Variants in CRTC3 observed in about 807,000 individuals in gnomAD.
The protein encoded by CRTC3 is CREB regulated transcription coactivator 3, also known as CREB-regulated transcription coactivator 3.
In CRTC3, 26 loss-of-function variants were observed where a neutral mutation model predicts 74.5. The observed-to-expected ratio is 0.35, with a 90% CI of 0.26 to 0.48. CRTC3 has a LOEUF of 0.48. Ranked by LOEUF, CRTC3 falls within the 20% of genes least tolerant of loss-of-function variation. The probability of loss-of-function intolerance (pLI) is 0.99; values close to 1 mark genes in which losing one functional copy is unlikely to be tolerated. For synonymous variants in CRTC3, 377 were observed against 325.8 expected (o/e 1.16, Z -1.69); for missense variants, 760 against 787.3 (o/e 0.97, Z 0.41).
At chr15:90,536,410 G>A (rs898412532) in intron 1 of CRTC3, among the ~76,000 whole-genome samples, 1 of 150,880 alleles carries the variant, frequency 6.6e-6, no homozygotes, top group African/African-American at 2.4e-5. Flanking sequence ...GGTGGCGCGT[G>A]CCTGTATTTG....
intron 14 of CRTC3, among the ~76,000 whole-genome samples, chr15:90,641,587 C>G (rs1039203889): frequency 2.6e-5 from 4 of 151,892 alleles, no homozygotes; most frequent in Non-Finnish European, 5.9e-5. Context: ...GTGGTCTCAG[C>G]TACTCGGGAG....
chr15:90,559,455 A>G (rs976125071), intron 2 of CRTC3, among the ~76,000 whole-genome samples: 1 of 152,180 alleles, frequency 6.6e-6, no homozygotes, highest in Admixed American at 6.5e-5. Flanking sequence ...AGCTCTGTCA[A>G]TTACTGGTTG....
intron 11 of CRTC3, 92 bp downstream of exon 11, chr15:90,629,624 T>G: frequency 7.6e-7 from 1 of 1,323,092 alleles, no homozygotes; most frequent in South Asian, 1.3e-5. Flanking sequence ...TGGGTTACAC[T>G]CATTATTACA....
chr15:90,567,653 A>T (rs192973899), intron 2 of CRTC3, among the ~76,000 whole-genome samples: 39 of 151,790 alleles, frequency 2.6e-4, no homozygotes, highest in African/African-American at 9.4e-4. Flanking sequence ...GTGCCATTGT[A>T]CTCCAGCCAG....
At chr15:90,602,886 G>A (rs753091204) in intron 4 of CRTC3, among the ~76,000 whole-genome samples, 2 of 151,492 alleles carry the variant, frequency 1.3e-5, no homozygotes, top group Non-Finnish European at 2.9e-5. Context: ...AAGCAGGAGA[G>A]TTGCTTGAAC....
intron 2 of CRTC3, among the ~76,000 whole-genome samples, chr15:90,568,599 C>T (rs1967179881): frequency 2.0e-5 from 3 of 147,436 alleles, no homozygotes. Flanking sequence ...GTTCCACCTG[C>T]CTTGGCCTCT....
At chr15:90,627,140 G>T (rs1329778627) in intron 10 of CRTC3, among the ~76,000 whole-genome samples, 1 of 152,194 alleles carries the variant, frequency 6.6e-6, no homozygotes, top group Non-Finnish European at 1.5e-5. Context: ...CTTCAGGGGG[G>T]GTCACCTGGA....
At chr15:90,639,883 TA>T (rs1415008488) in intron 13 of CRTC3, among the ~76,000 whole-genome samples, 10 of 151,660 alleles carry the variant, frequency 6.6e-5, no homozygotes, top group Non-Finnish European at 1.3e-4. Flanking sequence ...TTGTCTCTAC[TA>T]AAAAATACAA....
intron 4 of CRTC3, 127 bp downstream of exon 4, chr15:90,602,512 C>T (rs1968095891): frequency 3.2e-6 from 2 of 623,262 alleles, no homozygotes; most frequent in Non-Finnish European, 5.7e-6. Context: ...TCTCTTATAA[C>T]ATTTAATTTC....
intron 2 of CRTC3, among the ~76,000 whole-genome samples, chr15:90,573,686 A>G (rs1488277129): frequency 7.2e-5 from 11 of 151,926 alleles, no homozygotes. Context: ...TTTCCACATC[A>G]GTATATTATT....
chr15:90,553,813 G>A (rs1966868874), intron 2 of CRTC3, among the ~76,000 whole-genome samples: 1 of 152,222 alleles, frequency 6.6e-6, no homozygotes. Flanking sequence ...TTTCATGCCA[G>A]TAAAGTTGGA....
intron 2 of CRTC3, among the ~76,000 whole-genome samples, chr15:90,569,132 A>G (rs1967196444): frequency 6.6e-6 from 1 of 151,826 alleles, no homozygotes. Flanking sequence ...AGCTGGAACT[A>G]CAGGCATATG....
chr15:90,625,173 T>C (rs1257726054), intron 9 of CRTC3: 1 of 154,506 alleles, frequency 6.5e-6, no homozygotes, highest in Non-Finnish European at 1.4e-5. Context: ...TCTTTTATAC[T>C]CTTGCTCCAG....
chr15:90,542,571 G>A (rs988661116), intron 2 of CRTC3, among the ~76,000 whole-genome samples: 6 of 152,094 alleles, frequency 3.9e-5, no homozygotes, highest in Admixed American at 1.3e-4. Flanking sequence ...AAGCAAAGAC[G>A]TTGTTCTATA....
chr15:90,567,715 T>TAAATAAATAAATAAATAAAG (rs1967158977), intron 2 of CRTC3, among the ~76,000 whole-genome samples: 1 of 151,650 alleles, frequency 6.6e-6, no homozygotes, highest in African/African-American at 2.4e-5. Context: ...AATAAATAAA[T>TAAATAAATAAATAAATAAAG]AAAATATCAC....
rs2151069664 is a variant in CRTC3, at chr15:90,570,918, A to C, written c.232-22718A>C. 3.3e-5 allele frequency among the ~76,000 whole-genome samples: 5 copies of C among 152,324 alleles called. 1 individual carries two copies. The South Asian group carries it at 1.0e-3, about 32-fold the overall frequency. On this transcript the variant is annotated intron_variant, in intron 2 of 14. Transcript: ENST00000268184. Reference sequence around the variant, plus strand: ...TCCCTGACCAAAACGACTGTGTCTGAAGGGCACAGCTTGGGGGAATACAGC... The same window carrying C: ...TCCCTGACCAAAACGACTGTGTCTGCAGGGCACAGCTTGGGGGAATACAGC...
rs552855677 is a variant in CRTC3 at position 90,629,514 on chromosome 15, C to A, written c.1248C>A (p.Ala416=). Residue 416 remains alanine, a synonymous_variant, in exon 11 of 15, where the codon GCC becomes GCA. Transcript: ENST00000268184. The stretch of plus-strand genomic sequence containing the variant: ...AGCTGTCTTCAACCAGCCCACTGGC[C>A]CCATATCCTACCTCCCAGGTAAACA... The part of the protein sequence containing the change: ...SRQLSSTSPL[A]PYPTSQMVSS... The A allele has an allele frequency of 3.8e-5, 62 of 1,613,996 alleles. No individual in the cohort carries two copies. In the South Asian group the frequency reaches 6.4e-4, roughly 17 times the overall value.
At chr15:90,555,570 T>G (rs1966881067) in intron 2 of CRTC3, among the ~76,000 whole-genome samples, 1 of 152,180 alleles carries the variant, frequency 6.6e-6, no homozygotes, top group African/African-American at 2.4e-5. Flanking sequence ...CAGGCTGGAG[T>G]GCAGTGGCAT....
At chr15:90,636,842 A>C (rs557061144) in intron 11 of CRTC3, among the ~76,000 whole-genome samples, 12 of 152,354 alleles carry the variant, frequency 7.9e-5, no homozygotes, top group African/African-American at 2.6e-4. Flanking sequence ...TGCAAATCAA[A>C]ACCACAATGA....
Sources: gnomAD v4.1 joint callset for allele counts (sites outside exome capture counted in the v4.1 genomes callset) on GRCh38, gnomAD v4.1.1 for gene constraint, MANE v1.5 for transcripts, NCBI Gene and HGNC (gene_info 2026-07-23, HGNC 2026-07-21) for gene names.